The following EPHA4 variants were observed in gnomAD, a reference collection of about 807,000 sequenced individuals.
The protein encoded by EPHA4 is ephrin type-A receptor 4.
A neutral mutation model predicts 108.3 loss-of-function variants in EPHA4; 19 were observed. The ratio of observed to expected loss-of-function variants is 0.18; its 90% CI spans 0.12 to 0.26. EPHA4 has a LOEUF of 0.26. EPHA4 is among the 10% of genes least tolerant of loss of function. The pLI is 1.00. For missense variants in EPHA4, 917 were observed against 1,254.0 expected (o/e 0.73, Z 4.06); for synonymous variants, 449 against 455.5 (o/e 0.99, Z 0.18).
At chr2:221,424,802 G>A (rs1454064380) in intron 17 of EPHA4, among the ~76,000 whole-genome samples, 4 of 152,182 alleles carry the variant, frequency 2.6e-5, no homozygotes, top group African/African-American at 4.8e-5. Flanking sequence ...CAAAGGACGG[G>A]ACCCATGACC....
rs562387605 is a variant in EPHA4 at position 221,558,621 on chromosome 2, A to G, written c.823+5110T>C. On this transcript the variant is annotated intron_variant, in intron 3 of 17. Transcript: ENST00000281821. ...AGATACAAGGAAGCTCAGTTAGACT[A>G]AAATAAGTCATCAAATCTTGAATAC... Among the ~76,000 whole-genome samples the G allele has an allele frequency of 6.2e-4, 94 of 152,298 alleles. 1 individual carries two copies. The highest frequency in any genetic ancestry group is 2.2e-3 in the African/African-American group (90 of 41,554).
chr2:221,497,458 G>A (rs1320456708), intron 4 of EPHA4, among the ~76,000 whole-genome samples: 1 of 152,160 alleles, frequency 6.6e-6, no homozygotes, highest in East Asian at 1.9e-4. Flanking sequence ...AATGCACAAG[G>A]CTGAGTGCAA....
At chr2:221,549,983 A>C (rs754907651) in intron 3 of EPHA4, among the ~76,000 whole-genome samples, 10 of 152,148 alleles carry the variant, frequency 6.6e-5, no homozygotes, top group Non-Finnish European at 1.3e-4. Context: ...TCCATCTCAA[A>C]CAAACAAACA....
At chr2:221,536,454 T>A (rs1358990025) in intron 3 of EPHA4, among the ~76,000 whole-genome samples, 1 of 152,206 alleles carries the variant, frequency 6.6e-6, no homozygotes, top group Non-Finnish European at 1.5e-5. Flanking sequence ...CACTAGACCC[T>A]GGCATTCTTG....
intron 5 of EPHA4, among the ~76,000 whole-genome samples, chr2:221,458,488 C>A (rs1691031882): frequency 1.3e-5 from 2 of 152,186 alleles, no homozygotes; most frequent in African/African-American, 4.8e-5. Context: ...AAACAATTTA[C>A]ATACTTTCCA....
intron 4 of EPHA4, among the ~76,000 whole-genome samples, chr2:221,495,664 T>A (rs1458763549): frequency 6.6e-6 from 1 of 152,162 alleles, no homozygotes; most frequent in African/African-American, 2.4e-5. Flanking sequence ...TTCCCAAAGG[T>A]AAAGTTTGTT....
At chr2:221,468,088 G>C (rs753126267) in intron 5 of EPHA4, among the ~76,000 whole-genome samples, 8 of 152,054 alleles carry the variant, frequency 5.3e-5, no homozygotes, top group Non-Finnish European at 1.2e-4. Context: ...GGGCCTAAAA[G>C]TAGTGTTGAC....
At chr2:221,446,559 A>G (rs1690600237) in intron 8 of EPHA4, among the ~76,000 whole-genome samples, 1 of 152,146 alleles carries the variant, frequency 6.6e-6, no homozygotes, top group Non-Finnish European at 1.5e-5. Flanking sequence ...ACATGTGTGT[A>G]TATGTATATA....
Position 221,530,795 on chromosome 2 carries a change from G to A in EPHA4, c.824-29623C>T, listed in dbSNP as rs528327933. 1.1e-4 allele frequency among the ~76,000 whole-genome samples: 16 copies of A among 152,256 alleles called. No homozygotes were observed. The South Asian group carries it at 2.5e-3, about 24-fold the overall frequency. On this transcript the variant is annotated intron_variant, in intron 3 of 17. Coordinates refer to ENST00000281821, the MANE Select transcript of EPHA4 (RefSeq NM_004438.5). ...AGCAGGACATCGTGGTCTGCAGGGG[G>A]TCAGTGCTTTTTCAGTCCAAAAATC...
At chr2:221,509,823 T>C (rs1396724444) in intron 3 of EPHA4, among the ~76,000 whole-genome samples, 1 of 152,188 alleles carries the variant, frequency 6.6e-6, no homozygotes, top group East Asian at 1.9e-4. Flanking sequence ...GGTGGTCTCT[T>C]TTTGCCCTGC....
intron 12 of EPHA4, 74 bp downstream of exon 12, chr2:221,436,987 A>C: frequency 8.8e-7 from 1 of 1,130,684 alleles, no homozygotes; most frequent in Non-Finnish European, 1.3e-6. Flanking sequence ...CACCGAACAC[A>C]ACAAACACAA....
At chr2:221,476,480 T>C (rs1049200261) in intron 5 of EPHA4, among the ~76,000 whole-genome samples, 3 of 152,236 alleles carry the variant, frequency 2.0e-5, no homozygotes, top group African/African-American at 7.2e-5. Flanking sequence ...CAGATTTTTA[T>C]TTACCGAAGC....
intron 3 of EPHA4, among the ~76,000 whole-genome samples, chr2:221,557,419 T>G (rs1694338638): frequency 6.6e-6 from 1 of 151,754 alleles, no homozygotes; most frequent in African/African-American, 2.4e-5. Flanking sequence ...ATTTTCACTT[T>G]CTAAGCATTT....
chr2:221,426,285 G>T, intron 16 of EPHA4, 143 bp from the exon 17 acceptor site: 2 of 995,166 alleles, frequency 2.0e-6, no homozygotes, highest in Non-Finnish European at 3.0e-6. Flanking sequence ...GTTTCATTAA[G>T]CAATTTAATG....
chr2:221,474,839 G>A (rs576982812), intron 5 of EPHA4, among the ~76,000 whole-genome samples: 4 of 152,176 alleles, frequency 2.6e-5, no homozygotes, highest in East Asian at 1.9e-4. Context: ...ACATCATCTC[G>A]GAGAGAAGAT....
At chr2:221,528,949 C>T (rs919032722) in intron 3 of EPHA4, among the ~76,000 whole-genome samples, 2 of 152,058 alleles carry the variant, frequency 1.3e-5, no homozygotes, top group Non-Finnish European at 2.9e-5. Flanking sequence ...GTCTCAAATA[C>T]ATCAAATGCA....
intron 3 of EPHA4, among the ~76,000 whole-genome samples, chr2:221,518,595 T>C (rs1693059711): frequency 6.6e-6 from 1 of 152,230 alleles, no homozygotes; most frequent in Non-Finnish European, 1.5e-5. Flanking sequence ...CATCTAAATG[T>C]CTAGACACAG....
intron 9 of EPHA4, among the ~76,000 whole-genome samples, chr2:221,445,176 A>G (rs1366938960): frequency 6.6e-6 from 1 of 152,218 alleles, no homozygotes; most frequent in Non-Finnish European, 1.5e-5. Flanking sequence ...CATTTCAAGT[A>G]TTCAATAGCT....
At chr2:221,424,331 G>A (rs1386592350) in intron 17 of EPHA4, among the ~76,000 whole-genome samples, 1 of 151,870 alleles carries the variant, frequency 6.6e-6, no homozygotes, top group East Asian at 1.9e-4. Flanking sequence ...TGCAAAAAAG[G>A]TTTTCACTAA....
Sources: gnomAD v4.1 joint callset for allele counts (sites outside exome capture counted in the v4.1 genomes callset) on GRCh38, gnomAD v4.1.1 for gene constraint, MANE v1.5 for transcripts, NCBI Gene and HGNC (gene_info 2026-07-23, HGNC 2026-07-21) for gene names.